The following BPIFC variants were observed in gnomAD, a reference collection of about 807,000 sequenced individuals.
The protein encoded by BPIFC is BPI fold-containing family C protein.
BPIFC carries 60 observed loss-of-function variants against 57.6 expected under a neutral mutation model. That is an observed-to-expected ratio of 1.04 (90% CI 0.85 to 1.29). The LOEUF (loss-of-function observed/expected upper bound fraction) is 1.29, where lower values mean the gene tolerates loss of function less well. Ranked by LOEUF, BPIFC falls within the 50% of genes most tolerant of loss-of-function variation. The pLI, the probability that BPIFC is intolerant of heterozygous loss-of-function variation, is 0.00. For synonymous variants in BPIFC, 243 were observed against 224.5 expected, an observed-to-expected ratio of 1.08 and a Z score of -0.74; for missense variants, 581 against 600.5, an observed-to-expected ratio of 0.97 and a Z score of 0.34.
At chr22:32,429,849 C>G (rs1378847913) in intron 13 of BPIFC, among the ~76,000 whole-genome samples, 1 of 152,142 alleles carries the variant, frequency 6.6e-6, no homozygotes, top group Non-Finnish European at 1.5e-5. Flanking sequence ...TTCATAACTA[C>G]CACGTTGACT....
rs191405828 is a variant in BPIFC at position 32,414,580 on chromosome 22, C to A, written c.1402-155G>T. Among the ~76,000 whole-genome samples the A allele has an allele frequency of 2.1e-3, 317 of 152,218 alleles. 2 individuals are homozygous for A. The highest frequency in any genetic ancestry group is 7.2e-3 in the African/African-American group (300 of 41,540). ...CCAGGCTGGAGTGTGGTGGTGCGAT[C>A]TTGGCTCACTGCAAGCTCCGTCCCT... On this transcript the variant is annotated intron_variant, in intron 16 of 16. Coordinates refer to ENST00000300399, the MANE Select transcript of BPIFC (RefSeq NM_174932.3).
chr22:32,453,539 A>T (rs913624549), intron 3 of BPIFC, 36 bp from the exon 4 acceptor site: 1 of 1,554,974 alleles, frequency 6.4e-7, no homozygotes, highest in Non-Finnish European at 8.6e-7. Flanking sequence ...GTTGATAATG[A>T]CAAAGATAAT....
At chr22:32,455,389 G>A (rs1421030931) in intron 3 of BPIFC, among the ~76,000 whole-genome samples, 1 of 152,072 alleles carries the variant, frequency 6.6e-6, no homozygotes, top group Admixed American at 6.6e-5. Context: ...ACTAATAACA[G>A]ACACATCAGA....
intron 8 of BPIFC, among the ~76,000 whole-genome samples, chr22:32,442,130 G>T (rs1417866137): frequency 6.6e-6 from 1 of 152,222 alleles, no homozygotes; most frequent in African/African-American, 2.4e-5. Flanking sequence ...GAGAGAGGAA[G>T]CTCTTCCAGG....
At chr22:32,460,761 C>T (rs1276376225) in intron 2 of BPIFC, among the ~76,000 whole-genome samples, 1 of 152,208 alleles carries the variant, frequency 6.6e-6, no homozygotes, top group Non-Finnish European at 1.5e-5. Flanking sequence ...GATCAAAATA[C>T]ATATTTATTC....
intron 13 of BPIFC, among the ~76,000 whole-genome samples, chr22:32,419,910 T>C (rs1462692770): frequency 6.6e-6 from 1 of 151,988 alleles, no homozygotes; most frequent in Admixed American, 6.6e-5. Context: ...TTTTGCTGCT[T>C]AAGAAGCAGA....
At chr22:32,458,488 T>C (rs1422041024) in intron 2 of BPIFC, among the ~76,000 whole-genome samples, 1 of 152,224 alleles carries the variant, frequency 6.6e-6, no homozygotes, top group African/African-American at 2.4e-5. Flanking sequence ...TATCATCATC[T>C]AGTGTAGTAT....
chr22:32,436,394 A>AGAGGAGGAGGAGGAGGAGGAGGAAAAG (rs796389860), intron 9 of BPIFC, among the ~76,000 whole-genome samples: 1 of 138,372 alleles, frequency 7.2e-6, no homozygotes, highest in African/African-American at 2.8e-5. Flanking sequence ...AGGAGGAGGA[A>AGAGGAGGAGGAGGAGGAGGAGGAAAAG]GAGGAGGAGG....
chr22:32,461,377 G>A (rs1444345162), intron 2 of BPIFC, among the ~76,000 whole-genome samples, 197 bp downstream of exon 2: 2 of 152,148 alleles, frequency 1.3e-5, no homozygotes, highest in Non-Finnish European at 2.9e-5. Flanking sequence ...AGCACTAAGG[G>A]AAGCACAGGG....
intron 13 of BPIFC, among the ~76,000 whole-genome samples, chr22:32,429,098 G>C (rs529072344): frequency 1.3e-5 from 2 of 152,262 alleles, no homozygotes; most frequent in Admixed American, 1.3e-4. Context: ...CAGATGCAAA[G>C]CTATTTTATA....
intron 16 of BPIFC, 127 bp downstream of exon 16, chr22:32,415,788 C>T: frequency 3.4e-6 from 2 of 582,106 alleles, no homozygotes; most frequent in East Asian, 3.4e-5. Context: ...TATAAGATTC[C>T]CTGGTCTGGG....
At chr22:32,462,118 C>T (rs1440213072) in intron 1 of BPIFC, among the ~76,000 whole-genome samples, 13 of 126,990 alleles carry the variant, frequency 1.0e-4, no homozygotes, top group Non-Finnish European at 1.9e-4. Flanking sequence ...TGCAGTGAGC[C>T]AAGATTGTGC....
chr22:32,437,109 A>G (rs1046798826), intron 9 of BPIFC, among the ~76,000 whole-genome samples: 2 of 152,208 alleles, frequency 1.3e-5, no homozygotes, highest in Non-Finnish European at 2.9e-5. Context: ...AACGTGTACC[A>G]GCTACTGATG....
intron 2 of BPIFC, among the ~76,000 whole-genome samples, chr22:32,458,501 A>T (rs146851686): frequency 6.6e-6 from 1 of 152,320 alleles, no homozygotes; most frequent in Non-Finnish European, 1.5e-5. Context: ...TGTAGTATCC[A>T]GTTACTGATG....
intron 16 of BPIFC, 45 bp from the exon 17 acceptor site, chr22:32,414,470 G>A (rs1419432797): frequency 6.3e-7 from 1 of 1,599,036 alleles, no homozygotes. Context: ...ACTTGGGCAT[G>A]TCTGGGTTTG....
chr22:32,430,608 T>C (rs1449189583), intron 13 of BPIFC, among the ~76,000 whole-genome samples: 1 of 148,934 alleles, frequency 6.7e-6, no homozygotes, highest in African/African-American at 2.4e-5. Context: ...AATTTGTATA[T>C]GTATATAAAA....
At chr22:32,419,600 T>C (rs1933777718) in intron 13 of BPIFC, among the ~76,000 whole-genome samples, 196 bp from the exon 14 acceptor site, 1 of 151,624 alleles carries the variant, frequency 6.6e-6, no homozygotes. Context: ...GGTCAGGAAT[T>C]TGAGACCAGC....
chr22:32,420,727 A>G (rs1933824169), intron 13 of BPIFC, among the ~76,000 whole-genome samples: 1 of 152,208 alleles, frequency 6.6e-6, no homozygotes, highest in Admixed American at 6.5e-5. Context: ...CTCAACACAA[A>G]TAAATGACAA....
chr22:32,434,972 G>A lies in BPIFC; in HGVS notation c.924+732C>T, dbSNP rs187819354. On this transcript the variant is annotated intron_variant, in intron 10 of 16. Transcript: ENST00000300399. ...GTAATTACAACCAGGATAACTTTACGTCAGCATAATACAGGGAATAATGAT... is the reference window on the plus strand; with the variant it reads ...GTAATTACAACCAGGATAACTTTACATCAGCATAATACAGGGAATAATGAT... Among the ~76,000 whole-genome samples, 527 of 130,240 alleles carry A rather than the reference G, an allele frequency of 4.0e-3. 1 individual carries two copies. Among genetic ancestry groups the A allele is most frequent in the African/African-American group, 0.014 (491 of 34,668 alleles). The allele number at this position is 130,240 out of a possible 152,430, so 85.4% of individuals were successfully genotyped here.
Sources: gnomAD v4.1 joint callset for allele counts (sites outside exome capture counted in the v4.1 genomes callset) on GRCh38, gnomAD v4.1.1 for gene constraint, MANE v1.5 for transcripts, NCBI Gene and HGNC (gene_info 2026-07-23, HGNC 2026-07-21) for gene names.